Variants in KCNQ5 observed in about 807,000 individuals in gnomAD.
KCNQ5 encodes the protein potassium voltage-gated channel subfamily Q member 5.
Under a neutral mutation model 98.2 loss-of-function variants are expected in KCNQ5, and 30 were observed. That is an observed-to-expected ratio of 0.31 (90% CI 0.23 to 0.41). The LOEUF (loss-of-function observed/expected upper bound fraction) is 0.41. KCNQ5 is among the 10% of genes least tolerant of loss of function. The probability of loss-of-function intolerance (pLI) is 1.00; values close to 1 mark genes in which losing one functional copy is unlikely to be tolerated. For synonymous variants in KCNQ5, 458 were observed against 449.4 expected (o/e 1.02, Z -0.24); for missense variants, 835 against 1,182.5 (o/e 0.71, Z 4.31).
At chr6:72,716,890 C>T (rs1400562251) in intron 1 of KCNQ5, among the ~76,000 whole-genome samples, 1 of 152,088 alleles carries the variant, frequency 6.6e-6, no homozygotes, top group East Asian at 1.9e-4. Context: ...AAAGCAGCAA[C>T]TTAAATTCAG....
chr6:73,017,164 T>G (rs899022238), intron 2 of KCNQ5, among the ~76,000 whole-genome samples: 1 of 152,184 alleles, frequency 6.6e-6, no homozygotes, highest in Non-Finnish European at 1.5e-5. Flanking sequence ...GGCATCGCCC[T>G]GCCCTGGAAG....
intron 3 of KCNQ5, among the ~76,000 whole-genome samples, chr6:73,072,605 T>A: frequency 6.6e-6 from 1 of 152,178 alleles, no homozygotes; most frequent in Non-Finnish European, 1.5e-5. Context: ...TGAGCAAAGT[T>A]CCAGTGGCAT....
rs141919993 is a variant in KCNQ5 at position 73,002,326 on chromosome 6, A to G, written c.399-1582A>G. On this transcript the variant is annotated intron_variant, in intron 1 of 13. Transcript: ENST00000370398. ...CCATTCTCATCTCTGATGCTTATTC[A>G]GCACACTGCATAGAGGCTTAGACTA... 6.4e-3 allele frequency among the ~76,000 whole-genome samples: 969 copies of G among 152,210 alleles called. 7 individuals carry two copies. The highest frequency in any genetic ancestry group is 0.011 in the Non-Finnish European group (730 of 67,998).
At position 72,834,741 on chromosome 6, in the gene KCNQ5, TC is replaced by T. The variant is rs541149754; in HGVS notation, c.399-169166del. ...TAGAAAACCAAAGCAAGGCCTGTAA[TC>T]TTTCTTAACATGCATGTGTAACTTC... On this transcript the variant is annotated intron_variant, in intron 1 of 13. Transcript: ENST00000370398. Among the ~76,000 whole-genome samples, 322 of 152,258 alleles carry T rather than the reference TC, an allele frequency of 2.1e-3. 1 individual carries two copies. Among genetic ancestry groups the T allele is most frequent in the African/African-American group, 7.5e-3 (311 of 41,558 alleles).
intron 1 of KCNQ5, among the ~76,000 whole-genome samples, chr6:72,960,887 A>T (rs571320292): frequency 6.6e-6 from 1 of 152,204 alleles, no homozygotes; most frequent in Non-Finnish European, 1.5e-5. Context: ...CAGAGGTGGG[A>T]GGATCATTTA....
rs530818653 is a variant in KCNQ5, at chr6:73,033,976, T to G, written c.490-7960T>G. Among the ~76,000 whole-genome samples, 8 of 152,322 alleles carry G rather than the reference T, an allele frequency of 5.3e-5. No individual in the cohort carries two copies. The South Asian group carries it at 1.4e-3, about 28-fold the overall frequency. Reference sequence around the variant, plus strand: ...ATGGTATGTGATGTTCTATAAGTTATAGTTAGTAAGCATGTTTTTAGGATA... The same window carrying G: ...ATGGTATGTGATGTTCTATAAGTTAGAGTTAGTAAGCATGTTTTTAGGATA... On this transcript the variant is annotated intron_variant, in intron 2 of 13. Coordinates refer to ENST00000370398, the MANE Select transcript of KCNQ5 (RefSeq NM_019842.4).
At chr6:72,994,677 C>T (rs1461632246) in intron 1 of KCNQ5, among the ~76,000 whole-genome samples, 1 of 151,978 alleles carries the variant, frequency 6.6e-6, no homozygotes, top group Non-Finnish European at 1.5e-5. Context: ...GCCATCTTGG[C>T]TCCTCCTCCC....
chr6:73,100,973 A>G (rs1035190999), intron 5 of KCNQ5, among the ~76,000 whole-genome samples: 2 of 152,174 alleles, frequency 1.3e-5, no homozygotes, highest in African/African-American at 4.8e-5. Context: ...AATAACAAGT[A>G]ATGAGATTGA....
At chr6:72,986,917 T>G (rs899686324) in intron 1 of KCNQ5, 5 of 841,740 alleles carry the variant, frequency 5.9e-6, no homozygotes, top group African/African-American at 1.7e-5. Flanking sequence ...GGAAGAAGGG[T>G]GAGGAACAGG....
At chr6:72,734,391 G>A (rs369126094) in intron 1 of KCNQ5, among the ~76,000 whole-genome samples, 2 of 151,672 alleles carry the variant, frequency 1.3e-5, no homozygotes, top group South Asian at 2.1e-4. Context: ...GTATGATCTC[G>A]GCTCACTGCA....
At chr6:73,057,109 A>C (rs1772543701) in intron 3 of KCNQ5, among the ~76,000 whole-genome samples, 1 of 152,220 alleles carries the variant, frequency 6.6e-6, no homozygotes, top group Admixed American at 6.5e-5. Flanking sequence ...CTGGATTAAG[A>C]AAATGTGGCA....
chr6:73,034,441 C>T (rs894823372), intron 2 of KCNQ5, among the ~76,000 whole-genome samples: 1 of 152,236 alleles, frequency 6.6e-6, no homozygotes, highest in African/African-American at 2.4e-5. Context: ...TTCATCTTCA[C>T]GAAAATGCTA....
intron 1 of KCNQ5, among the ~76,000 whole-genome samples, chr6:72,836,215 A>C (rs574203972): frequency 1.3e-5 from 2 of 152,298 alleles, no homozygotes; most frequent in African/African-American, 4.8e-5. Flanking sequence ...AAGAATGATG[A>C]GCTTCATTAG....
intron 1 of KCNQ5, among the ~76,000 whole-genome samples, chr6:72,674,479 A>C (rs1767304971): frequency 6.6e-6 from 1 of 151,950 alleles, no homozygotes. Flanking sequence ...TTTTTAAGTT[A>C]AAAAAAAGAG....
At chr6:72,652,957 C>T (rs2154472473) in intron 1 of KCNQ5, among the ~76,000 whole-genome samples, 1 of 152,192 alleles carries the variant, frequency 6.6e-6, no homozygotes, top group East Asian at 1.9e-4. Flanking sequence ...CACCCAAATG[C>T]TGTTTACAGC....
intron 1 of KCNQ5, among the ~76,000 whole-genome samples, chr6:72,887,260 G>A (rs572023954): frequency 6.6e-6 from 1 of 152,228 alleles, no homozygotes; most frequent in East Asian, 1.9e-4. Context: ...TGAATGGCAA[G>A]GAGAAGCAAG....
At chr6:72,928,738 C>T (rs1053103324) in intron 1 of KCNQ5, among the ~76,000 whole-genome samples, 9 of 151,954 alleles carry the variant, frequency 5.9e-5, no homozygotes, top group Non-Finnish European at 1.0e-4. Context: ...CTATGTATAT[C>T]TATGAGGAAA....
intron 1 of KCNQ5, among the ~76,000 whole-genome samples, chr6:72,894,600 ATTC>A (rs993099322): frequency 2.0e-5 from 3 of 152,204 alleles, no homozygotes; most frequent in African/African-American, 7.2e-5. Flanking sequence ...TTGGTTGACA[ATTC>A]TTCTGGGATA....
At chr6:72,635,034 CTTT>C (rs1182687944) in intron 1 of KCNQ5, among the ~76,000 whole-genome samples, 1 of 142,790 alleles carries the variant, frequency 7.0e-6, no homozygotes. Context: ...TCCCCTCACC[CTTT>C]TTTTTTTTTT....
Sources: gnomAD v4.1 joint callset for allele counts (sites outside exome capture counted in the v4.1 genomes callset) on GRCh38, gnomAD v4.1.1 for gene constraint, MANE v1.5 for transcripts, NCBI Gene and HGNC (gene_info 2026-07-23, HGNC 2026-07-21) for gene names.